Variants in GRIK2 observed in about 807,000 individuals in gnomAD.
GRIK2 encodes the protein glutamate ionotropic receptor kainate type subunit 2.
Under a neutral mutation model 100.3 loss-of-function variants are expected in GRIK2, and 32 were observed. The ratio of observed to expected loss-of-function variants is 0.32; its 90% CI spans 0.24 to 0.43. The LOEUF is 0.43. Among genes scored for constraint, GRIK2 ranks in the 20% least tolerant of loss-of-function variants. The probability of loss-of-function intolerance (pLI) is 1.00; values close to 1 mark genes in which losing one functional copy is unlikely to be tolerated. For synonymous variants in GRIK2, 417 were observed against 389.4 expected, an observed-to-expected ratio of 1.07 and a Z score of -0.83; for missense variants, 843 against 1,114.9, an observed-to-expected ratio of 0.76 and a Z score of 3.47.
chr6:101,830,263 C>A (rs899525273), intron 10 of GRIK2, among the ~76,000 whole-genome samples: 4 of 151,902 alleles, frequency 2.6e-5, no homozygotes, highest in African/African-American at 9.7e-5. Flanking sequence ...TCACTCTATA[C>A]AAAAAGTAAC....
At chr6:102,007,414 T>G (rs1459308180) in intron 14 of GRIK2, among the ~76,000 whole-genome samples, 3 of 152,194 alleles carry the variant, frequency 2.0e-5, no homozygotes, top group African/African-American at 7.2e-5. Flanking sequence ...AAATGCAGGG[T>G]TTGCAAGCTG....
intron 2 of GRIK2, among the ~76,000 whole-genome samples, chr6:101,422,911 A>AT (rs1331569362): frequency 6.6e-6 from 1 of 152,078 alleles, no homozygotes; most frequent in Non-Finnish European, 1.5e-5. Context: ...TTTACAGTGC[A>AT]TTTTTTCTTA....
intron 4 of GRIK2, among the ~76,000 whole-genome samples, chr6:101,631,831 T>C (rs73508666): frequency 0.14 from 20,587 of 152,042 alleles, 1,393 homozygotes; most frequent in Admixed American, 0.16. Flanking sequence ...AGTCTCTCCA[T>C]TGCAGTTAGT....
At chr6:101,737,044 CT>C (rs1417548503) in intron 7 of GRIK2, among the ~76,000 whole-genome samples, 3 of 152,118 alleles carry the variant, frequency 2.0e-5, no homozygotes, top group Non-Finnish European at 4.4e-5. Context: ...AAAGAATCAC[CT>C]TTTCTCCAGT....
chr6:101,623,222 G>A (rs115817477), intron 3 of GRIK2, among the ~76,000 whole-genome samples: 351 of 151,970 alleles, frequency 2.3e-3, no homozygotes, highest in African/African-American at 7.9e-3. Context: ...AGTATTTCTC[G>A]AGATGAAAGT....
intron 14 of GRIK2, among the ~76,000 whole-genome samples, chr6:102,015,609 T>C (rs1795795432): frequency 6.6e-6 from 1 of 152,164 alleles, no homozygotes. Flanking sequence ...GCCAGCACCC[T>C]GGCACCCACT....
intron 15 of GRIK2, among the ~76,000 whole-genome samples, chr6:102,045,381 C>A (rs1399834686): frequency 1.3e-5 from 2 of 152,116 alleles, no homozygotes; most frequent in Non-Finnish European, 2.9e-5. Flanking sequence ...TCTCTCTCTT[C>A]TCTTTCCATC....
chr6:101,916,749 A>C (rs1163913843), intron 12 of GRIK2, among the ~76,000 whole-genome samples: 1 of 151,698 alleles, frequency 6.6e-6, no homozygotes, highest in Non-Finnish European at 1.5e-5. Context: ...GTTCAGAATG[A>C]GACAATATAG....
At chr6:101,464,914 T>G (rs902474196) in intron 2 of GRIK2, among the ~76,000 whole-genome samples, 4 of 152,158 alleles carry the variant, frequency 2.6e-5, no homozygotes, top group Admixed American at 1.3e-4. Flanking sequence ...AGACTAAGTA[T>G]ATGGGGGAAT....
chr6:101,653,108 A>G lies in GRIK2; in HGVS notation c.542-23515A>G, dbSNP rs1461521709. Among the ~76,000 whole-genome samples the G allele has an allele frequency of 3.3e-5, 5 of 152,124 alleles. No homozygotes were observed. The East Asian group carries it at 9.6e-4, about 29-fold the overall frequency. ...AAAGTTGCCTTGAGGTTGTAAACAG[A>G]TTTAAAGAGTGAAAGTAGAGCCTGC... On this transcript the variant is annotated intron_variant, in intron 4 of 16. Transcript: ENST00000369134.
intron 2 of GRIK2, among the ~76,000 whole-genome samples, chr6:101,584,102 G>T (rs1582768105): frequency 6.6e-6 from 1 of 151,836 alleles, no homozygotes; most frequent in East Asian, 1.9e-4. Flanking sequence ...ATATTTTTCT[G>T]TTAAAGAAAA....
At chr6:101,713,840 C>A (rs1773881183) in intron 7 of GRIK2, among the ~76,000 whole-genome samples, 1 of 151,698 alleles carries the variant, frequency 6.6e-6, no homozygotes, top group Admixed American at 6.6e-5. Flanking sequence ...ACCTAGCATC[C>A]TTTGCCTTAT....
At chr6:101,493,454 A>G (rs772402555) in intron 2 of GRIK2, among the ~76,000 whole-genome samples, 3 of 152,086 alleles carry the variant, frequency 2.0e-5, no homozygotes, top group Non-Finnish European at 4.4e-5. Flanking sequence ...TAGTAAAATG[A>G]TATCTTCAGA....
chr6:101,869,432 C>G (rs1785249586), intron 11 of GRIK2, among the ~76,000 whole-genome samples: 1 of 151,764 alleles, frequency 6.6e-6, no homozygotes, highest in African/African-American at 2.4e-5. Flanking sequence ...CATATAATTT[C>G]CTGATCACAT....
At chr6:101,567,003 A>ACT in intron 2 of GRIK2, among the ~76,000 whole-genome samples, 1 of 151,270 alleles carries the variant, frequency 6.6e-6, no homozygotes, top group African/African-American at 2.4e-5. Flanking sequence ...TATATCTATT[A>ACT]AATAAAAATT....
In GRIK2 at chr6:102,018,486, C is replaced by T. The variant is rs527752127; in HGVS notation, c.2086-16855C>T. 3.5e-3 allele frequency among the ~76,000 whole-genome samples: 526 copies of T among 152,200 alleles called. 3 individuals are homozygous for T. The highest frequency in any genetic ancestry group is 5.4e-3 in the Non-Finnish European group (369 of 68,000). ...AAGTATTTCAAAATAGGTCCTGCAC[C>T]ATGACTGGGTTCCCCTAGAGTTTAT... On this transcript the variant is annotated intron_variant, in intron 14 of 16. Transcript: ENST00000369134.
chr6:101,816,141 A>G (rs12333267), intron 9 of GRIK2, among the ~76,000 whole-genome samples: 11,221 of 152,192 alleles, frequency 0.074, 437 homozygotes, highest in African/African-American at 0.099. Flanking sequence ...AAACTTTCTA[A>G]GGTTTTATTA....
rs1015512166 is a variant in GRIK2 at position 101,631,515 on chromosome 6, C to T, written c.541+4878C>T. On this transcript the variant is annotated intron_variant, in intron 4 of 16. Transcript: ENST00000369134. Reference sequence around the variant, plus strand: ...ATTGACATTGTGTTAGTTGCTGTCACGTAAACTATTTCACTTAATCTTCAA... The same window carrying T: ...ATTGACATTGTGTTAGTTGCTGTCATGTAAACTATTTCACTTAATCTTCAA... Among the ~76,000 whole-genome samples, 8 of 152,178 alleles carry T rather than the reference C, an allele frequency of 5.3e-5. No homozygotes were observed. The South Asian group carries it at 1.0e-3, about 20-fold the overall frequency.
chr6:101,941,513 T>TA lies in GRIK2; in HGVS notation c.2085+12889dup, dbSNP rs1054220160. Reference sequence around the variant, plus strand: ...TATGCAATTTTTTTTTTCTTAATAGTAAAAAAAAGAAACAAGGAAGTTAAC... The same window carrying TA: ...TATGCAATTTTTTTTTTCTTAATAGTAAAAAAAAAGAAACAAGGAAGTTAAC... On this transcript the variant is annotated intron_variant, in intron 14 of 16. Coordinates refer to ENST00000369134, the MANE Select transcript of GRIK2 (RefSeq NM_021956.5). Among the ~76,000 whole-genome samples, 10 of 151,526 alleles carry TA rather than the reference T, an allele frequency of 6.6e-5. No homozygotes were observed. The South Asian group carries it at 1.7e-3, about 25-fold the overall frequency.
Sources: allele counts gnomAD v4.1 joint callset (sites outside exome capture counted in the v4.1 genomes callset), GRCh38; gene constraint gnomAD v4.1.1; transcripts MANE v1.5; gene names NCBI Gene and HGNC (gene_info 2026-07-23, HGNC 2026-07-21).